The following PHF13 variants were observed in gnomAD, a reference collection of about 807,000 sequenced individuals.
PHF13 encodes PHD zinc finger protein PHF5.
PHF13 carries 1 observed loss-of-function variant against 25.8 expected under a neutral mutation model. The ratio of observed to expected loss-of-function variants is 0.04; its 90% CI spans 0.01 to 0.18. The LOEUF (loss-of-function observed/expected upper bound fraction) is 0.18. Among genes scored for constraint, PHF13 ranks in the 10% least tolerant of loss-of-function variants. PHF13 has a pLI of 1.00. For missense variants in PHF13, 306 were observed against 403.2 expected (o/e 0.76, Z 2.06); for synonymous variants, 195 against 162.4 (o/e 1.20, Z -1.53).
In PHF13 at chr1:6,614,033, A is replaced by G; in HGVS notation, c.-34A>G. ...CCCGCTCCAGCATCCCAGCTCCTGC[A>G]CTCTCGCAGCCGCCGCCGCCCCCCG... On this transcript the variant is annotated 5_prime_UTR_variant, in exon 1 of 4. Coordinates refer to ENST00000377648, the MANE Select transcript of PHF13 (RefSeq NM_153812.3). 6.8e-7 allele frequency: 1 copy of G among 1,466,916 alleles called. No homozygotes were observed. Among genetic ancestry groups the G allele is most frequent in the South Asian group, 1.2e-5 (1 of 84,950 alleles). The allele number at this position is 1,466,916 out of a possible 1,614,324, so 90.9% of individuals were successfully genotyped here.
chr1:6,613,831 C>A lies in PHF13; in HGVS notation c.-236C>A. 1 of 403,226 alleles carries A rather than the reference C, an allele frequency of 2.5e-6. No homozygotes were observed. The highest frequency in any genetic ancestry group is 4.5e-6 in the Non-Finnish European group (1 of 224,592). 25.0% of individuals were successfully genotyped at this position (403,226 alleles called of 1,614,324 possible). ...CCGCCGCCCCCTGCAGCCACTCTCC[C>A]GCCTCTACCGCCGCGGGAGCTGCAT... On this transcript the variant is annotated 5_prime_UTR_variant, in exon 1 of 4. Transcript: ENST00000377648.
rs1641208959 is a variant in PHF13, at chr1:6,613,916, G to A, written c.-151G>A. 1 of 546,376 alleles carries A rather than the reference G, an allele frequency of 1.8e-6. No individual in the cohort carries two copies. The highest frequency in any genetic ancestry group is 3.5e-5 in the East Asian group (1 of 28,880). 33.8% of individuals were successfully genotyped at this position (546,376 alleles called of 1,614,324 possible). A position where few individuals can be genotyped will look rare whatever the true frequency, so the allele number is the denominator to read the frequency against. On this transcript the variant is annotated 5_prime_UTR_variant, in exon 1 of 4. Coordinates refer to ENST00000377648, the MANE Select transcript of PHF13 (RefSeq NM_153812.3). ...GGGGTCACAGAGCTTGAGAAGCGAC[G>A]CGCTGAGCCCCCCATCACCTCCAGC...
At position 6,616,602 on chromosome 1, in the gene PHF13, C is replaced by G. The variant is rs1411327438; in HGVS notation, c.40-155C>G. ...CTCTGAAAATAGTGTTATTTCTTGA[C>G]CTGAACTTACCGTATCTTGTTTGTG... On this transcript the variant is annotated intron_variant, in intron 1 of 3. Coordinates refer to ENST00000377648, the MANE Select transcript of PHF13 (RefSeq NM_153812.3). Among the ~76,000 whole-genome samples, 3 of 152,150 alleles carry G rather than the reference C, an allele frequency of 2.0e-5. No homozygotes were observed. In the East Asian group the frequency reaches 5.8e-4, roughly 29 times the overall value.
chr1:6,621,739 C>A lies in PHF13; in HGVS notation c.*102C>A. 1.7e-6 allele frequency: 2 copies of A among 1,158,802 alleles called. No individual in the cohort carries two copies. Among genetic ancestry groups the A allele is most frequent in the Non-Finnish European group, 2.5e-6 (2 of 801,502 alleles). The allele number at this position is 1,158,802 out of a possible 1,614,324, so 71.8% of individuals were successfully genotyped here. ...ACAGAACCCTCAGCTCTGGTGCGGG[C>A]AGATCCCTGCCATTTAGGTGCCTAA... On this transcript the variant is annotated 3_prime_UTR_variant, in exon 4 of 4. Coordinates refer to ENST00000377648, the MANE Select transcript of PHF13 (RefSeq NM_153812.3). The surrounding 1 kb of genome is among the most constrained non-coding windows in gnomAD (Gnocchi z 4.8).
intron 1 of PHF13, 80 bp from the exon 2 acceptor site, chr1:6,616,677 C>T: frequency 1.6e-6 from 2 of 1,219,746 alleles, no homozygotes; most frequent in Admixed American, 1.7e-5. Context: ...ACAAAAGTTC[C>T]AGCTTACTTC....
chr1:6,618,983 C>T (rs919331545), intron 2 of PHF13, among the ~76,000 whole-genome samples: 7 of 152,112 alleles, frequency 4.6e-5, no homozygotes, highest in African/African-American at 1.7e-4. Context: ...GAGGACGTTG[C>T]CACTGTTTGC....
chr1:6,617,439 T>G (rs1641278234), intron 2 of PHF13, among the ~76,000 whole-genome samples: 1 of 149,990 alleles, frequency 6.7e-6, no homozygotes, highest in South Asian at 2.1e-4. Flanking sequence ...TTGCTTGCTC[T>G]TTTTGTTTGT....
Position 6,623,605 on chromosome 1 carries a change from G to A in PHF13, c.*1968G>A, listed in dbSNP as rs1641381915. On this transcript the variant is annotated 3_prime_UTR_variant, in exon 4 of 4. Coordinates refer to ENST00000377648, the MANE Select transcript of PHF13 (RefSeq NM_153812.3). ...TGGCAACTGTCACGTGTGCTAGAAG[G>A]TTCGATGCCTCTGGAATGCATGTGA... The A allele has an allele frequency of 6.6e-6, 1 of 152,670 alleles. No individual in the cohort carries two copies. Among genetic ancestry groups the A allele is most frequent in the Non-Finnish European group, 1.5e-5 (1 of 68,044 alleles). The allele number at this position is 152,670 out of a possible 1,614,324, so 9.5% of individuals were successfully genotyped here.
Position 6,618,642 on chromosome 1 carries a change from C to T in PHF13, c.142-1161C>T, listed in dbSNP as rs558620782. 3.9e-5 allele frequency among the ~76,000 whole-genome samples: 6 copies of T among 152,186 alleles called. 1 individual carries two copies. The South Asian group carries it at 1.2e-3, about 32-fold the overall frequency. On this transcript the variant is annotated intron_variant, in intron 2 of 3. Coordinates refer to ENST00000377648, the MANE Select transcript of PHF13 (RefSeq NM_153812.3). ...AGGTGGCTAATGCCTGCTTTCTTTT[C>T]TTTCTTTTTTTCTTTTTTTGAGACG...
At chr1:6,618,633 C>T (rs1641296419) in intron 2 of PHF13, among the ~76,000 whole-genome samples, 1 of 152,038 alleles carries the variant, frequency 6.6e-6, no homozygotes. Context: ...CTAATGCCTG[C>T]TTTCTTTTCT....
At position 6,621,330 on chromosome 1, in the gene PHF13, A is replaced by G; in HGVS notation, c.677-81A>G. ...TGGAAGTGTTCTCGTCAGTAGAGTT[A>G]ATGGGTTTCATGGAAGCCCAGCTGA... On this transcript the variant is annotated intron_variant, in intron 3 of 3. Coordinates refer to ENST00000377648, the MANE Select transcript of PHF13 (RefSeq NM_153812.3). The surrounding 1 kb of genome is among the most constrained non-coding windows in gnomAD (Gnocchi z 4.8). The G allele has an allele frequency of 7.0e-7, 1 of 1,429,016 alleles. No individual in the cohort carries two copies. The highest frequency in any genetic ancestry group is 9.7e-7 in the Non-Finnish European group (1 of 1,025,926). The allele number at this position is 1,429,016 out of a possible 1,614,324, so 88.5% of individuals were successfully genotyped here.
At chr1:6,618,931 G>A (rs892246903) in intron 2 of PHF13, among the ~76,000 whole-genome samples, 2 of 152,082 alleles carry the variant, frequency 1.3e-5, no homozygotes, top group African/African-American at 2.4e-5. Flanking sequence ...ACAGGTGTGA[G>A]CCCCCGCACC....
chr1:6,619,389 T>TA (rs1641306029), intron 2 of PHF13, among the ~76,000 whole-genome samples: 1 of 152,060 alleles, frequency 6.6e-6, no homozygotes, highest in Admixed American at 6.5e-5. Context: ...TCCCTCCCGT[T>TA]ACCAAGGCTG....
chr1:6,621,505 C>T lies in PHF13; in HGVS notation c.771C>T (p.His257=), dbSNP rs931427825. The part of the protein sequence containing the change: ...IECNECHTWI[H]LSCAKIRKSN... The stretch of plus-strand genomic sequence containing the variant: ...GTAATGAGTGCCACACCTGGATTCA[C>T]CTGTCCTGTGCGAAAATCCGGAAAT... Residue 257 remains histidine, a synonymous_variant, in exon 4 of 4, where the codon CAC becomes CAT. Transcript: ENST00000377648. This position sits in a 1 kb window ranked among gnomAD's most constrained non-coding sequence, Gnocchi z 4.8. The T allele has an allele frequency of 2.5e-6, 4 of 1,614,062 alleles. No individual in the cohort carries two copies. In the African/African-American group the frequency reaches 5.3e-5, roughly 22 times the overall value.
In PHF13 at chr1:6,620,220, G is replaced by A. The variant is rs776800255; in HGVS notation, c.559G>A (p.Asp187Asn). The change falls in exon 3 of 4, where the codon GAT (aspartate) becomes AAT (asparagine). Residue 187 changes from aspartate to asparagine, a missense_variant. This residue lies in a region of PHF13 where 186 missense variants were observed against 164.0 expected (regional missense o/e 1.13). Transcript: ENST00000377648. Reference protein sequence around the residue: ...SSGSCATVSPDQVKEIKTEGK... With the variant: ...SSGSCATVSPNQVKEIKTEGK... ...TGGATCTTGTGCCACTGTGTCACCT[G>A]ATCAGGTCAAAGAAATAAAAACTGA... 1 of 1,613,906 alleles carries A rather than the reference G, an allele frequency of 6.2e-7. No individual in the cohort carries two copies. The highest frequency in any genetic ancestry group is 1.7e-5 in the Admixed American group (1 of 60,000).
In PHF13 at chr1:6,614,061, CG is replaced by C. The variant is rs1641213338; in HGVS notation, c.-4del. On this transcript the variant is annotated 5_prime_UTR_variant, in exon 1 of 4. Coordinates refer to ENST00000377648, the MANE Select transcript of PHF13 (RefSeq NM_153812.3). The stretch of plus-strand genomic sequence containing the variant: ...CTCGCAGCCGCCGCCGCCCCCCGCC[CG>C]GAACATGGACTCTGACTCTTGCGCC... The C allele has an allele frequency of 1.9e-6, 3 of 1,593,884 alleles. No individual in the cohort carries two copies. Among genetic ancestry groups the C allele is most frequent in the Middle Eastern group, 1.7e-4 (1 of 5,960 alleles).
chr1:6,621,713 C>G lies in PHF13; in HGVS notation c.*76C>G. The G allele has an allele frequency of 7.0e-7, 1 of 1,422,054 alleles. No individual in the cohort carries two copies. Among genetic ancestry groups the G allele is most frequent in the Non-Finnish European group, 9.8e-7 (1 of 1,020,328 alleles). 88.1% of individuals were successfully genotyped at this position (1,422,054 alleles called of 1,614,324 possible). ...CTTTTTTGCCCTTCTCTTAGTTGAG[C>G]ACAGAACCCTCAGCTCTGGTGCGGG... On this transcript the variant is annotated 3_prime_UTR_variant, in exon 4 of 4. Coordinates refer to ENST00000377648, the MANE Select transcript of PHF13 (RefSeq NM_153812.3). The surrounding 1 kb of genome is among the most constrained non-coding windows in gnomAD (Gnocchi z 4.8).
At chr1:6,614,739 T>G in intron 1 of PHF13, 2 of 135,230 alleles carry the variant, frequency 1.5e-5, no homozygotes, top group East Asian at 2.5e-4. Flanking sequence ...GGCCTCTCTC[T>G]TCGGGCCCCC....
At chr1:6,614,291 G>GCCTCGCCTCCGCGTCCCCTCCGCGGA (rs1641219154) in intron 1 of PHF13, among the ~76,000 whole-genome samples, 186 bp downstream of exon 1, 1 of 148,086 alleles carries the variant, frequency 6.8e-6, no homozygotes, top group African/African-American at 2.5e-5. Context: ...TCTCCGCCGG[G>GCCTCGCCTCCGCGTCCCCTCCGCGGA]CCTCGCCTCC....
Sources: allele counts gnomAD v4.1 joint callset (sites outside exome capture counted in the v4.1 genomes callset), GRCh38; gene constraint gnomAD v4.1.1; regional missense constraint gnomAD v4.1.1; non-coding constraint Gnocchi (gnomAD v3.1); transcripts MANE v1.5; gene names NCBI Gene and HGNC (gene_info 2026-07-23, HGNC 2026-07-21).